The following LPO variants were observed in gnomAD, a reference collection of about 807,000 sequenced individuals.
The protein encoded by LPO is lactoperoxidase.
LPO carries 70 observed loss-of-function variants against 68.4 expected under a neutral mutation model. That is an observed-to-expected ratio of 1.02 (90% CI 0.84 to 1.25). LPO has a LOEUF of 1.25. Among genes scored for constraint, LPO ranks in the 50% most tolerant of loss-of-function variants. The pLI, the probability that LPO is intolerant of heterozygous loss-of-function variation, is 0.00. For synonymous variants in LPO, 360 were observed against 357.6 expected (o/e 1.01, Z -0.08); for missense variants, 873 against 908.4 (o/e 0.96, Z 0.50).
chr17:58,254,972 G>T lies in LPO; in HGVS notation c.1266+1G>T. On this transcript the variant is annotated splice_donor_variant, in intron 9 of 12. Coordinates refer to ENST00000262290, the MANE Select transcript of LPO (RefSeq NM_006151.3). LOFTEE classifies it high-confidence loss of function. ...GAAAATCCTGGGAGCCTTCGTGCAG[G>T]TAGGGAGTCCCAGGAGCACTGTCAC... 6.2e-7 allele frequency: 1 copy of T among 1,613,576 alleles called. No individual in the cohort carries two copies. The highest frequency in any genetic ancestry group is 8.5e-7 in the Non-Finnish European group (1 of 1,179,686).
chr17:58,264,946 C>T lies in LPO; in HGVS notation c.1491C>T (p.Phe497=), dbSNP rs1334027324. The T allele has an allele frequency of 4.3e-6, 7 of 1,614,122 alleles. No individual in the cohort carries two copies. In the East Asian group the frequency reaches 1.6e-4, roughly 36 times the overall value. The change falls in exon 10 of 13, where the codon TTC becomes TTT. Residue 497 remains phenylalanine (F), a synonymous_variant. Transcript: ENST00000262290. Reference sequence around the variant, plus strand: ...CAGAACTCCCCCTCCACACCCTCTTCTTCAACACTTGGAGGATGGTCAAAG... The same window carrying T: ...CAGAACTCCCCCTCCACACCCTCTTTTTCAACACTTGGAGGATGGTCAAAG... ...PEPELPLHTL[F]FNTWRMVKDG...
chr17:58,242,463 G>C (rs1300121329), intron 1 of LPO, among the ~76,000 whole-genome samples: 1 of 152,182 alleles, frequency 6.6e-6, no homozygotes, highest in Non-Finnish European at 1.5e-5. Context: ...CCTGGGGCTG[G>C]GCCAGAGGAA....
At position 58,247,568 on chromosome 17, in the gene LPO, C is replaced by A. The variant is rs2143896429; in HGVS notation, c.255C>A (p.Ile85=). 2 of 1,614,214 alleles carry A rather than the reference C, an allele frequency of 1.2e-6. No homozygotes were observed. Among genetic ancestry groups the A allele is most frequent in the South Asian group, 2.2e-5 (2 of 91,078 alleles). The change falls in exon 4 of 13, where the codon ATC becomes ATA. Residue 85 remains isoleucine, a synonymous_variant. Coordinates refer to ENST00000262290, the MANE Select transcript of LPO (RefSeq NM_006151.3). ...CCAAAGGCCGGACGCGCACAGCCAT[C>A]CGCAATGGACAGGTGTGGGAGGAGT... ...KHAKGRTRTA[I]RNGQVWEESL...
At chr17:58,250,306 G>T (rs1286335217) in intron 6 of LPO, 109 bp from the exon 7 acceptor site, 1 of 860,408 alleles carries the variant, frequency 1.2e-6, no homozygotes, top group African/African-American at 1.6e-5. Flanking sequence ...TCCTTGTAGG[G>T]ATTAAGTGCA....
chr17:58,268,153 T>A lies in LPO; in HGVS notation c.*159T>A. The A allele has an allele frequency of 1.4e-6, 1 of 715,880 alleles. No individual in the cohort carries two copies. Among genetic ancestry groups the A allele is most frequent in the Non-Finnish European group, 2.3e-6 (1 of 441,176 alleles). The allele number at this position is 715,880 out of a possible 1,614,324, so 44.3% of individuals were successfully genotyped here. Reference sequence around the variant, plus strand: ...TGAACAGCTTGCTCAGGCCCCAGGGTGGCTGCCTCGGCCCTCCCAGCTCTT... The same window carrying A: ...TGAACAGCTTGCTCAGGCCCCAGGGAGGCTGCCTCGGCCCTCCCAGCTCTT... On this transcript the variant is annotated 3_prime_UTR_variant, in exon 13 of 13. Coordinates refer to ENST00000262290, the MANE Select transcript of LPO (RefSeq NM_006151.3).
intron 9 of LPO, among the ~76,000 whole-genome samples, chr17:58,256,210 G>T (rs1034629110): frequency 1.3e-5 from 2 of 151,964 alleles, no homozygotes; most frequent in Admixed American, 6.6e-5. Context: ...AGTATTCCAT[G>T]GTATGAATGA....
chr17:58,268,009 C>A lies in LPO; in HGVS notation c.*15C>A, dbSNP rs777060459. 6.2e-7 allele frequency: 1 copy of A among 1,612,248 alleles called. No individual in the cohort carries two copies. Among genetic ancestry groups the A allele is most frequent in the African/African-American group, 1.3e-5 (1 of 74,862 alleles). The stretch of plus-strand genomic sequence containing the variant: ...TGAAGAATTAGGGGCCCGCGCTGCA[C>A]AGGAAAGTTCCCTTTGGTCCACAGG... On this transcript the variant is annotated 3_prime_UTR_variant, in exon 13 of 13. Transcript: ENST00000262290.
intron 7 of LPO, chr17:58,251,485 G>T (rs1338501897): frequency 9.9e-6 from 2 of 202,558 alleles, no homozygotes; most frequent in Non-Finnish European, 2.0e-5. Context: ...TGAGCAGCAG[G>T]GATTTGTAGG....
intron 10 of LPO, among the ~76,000 whole-genome samples, chr17:58,265,800 G>A (rs1476376615): frequency 6.6e-6 from 1 of 151,610 alleles, no homozygotes; most frequent in Non-Finnish European, 1.5e-5. Flanking sequence ...GTCCAGGCTG[G>A]TCCCAAACTC....
intron 3 of LPO, among the ~76,000 whole-genome samples, chr17:58,245,120 A>G (rs930887101): frequency 6.6e-6 from 1 of 152,232 alleles, no homozygotes; most frequent in African/African-American, 2.4e-5. Context: ...TCCCCAGACC[A>G]GGATTATCTC....
rs765873656 is a variant in LPO at position 58,252,442 on chromosome 17, C to T, written c.1041C>T (p.Asp347=). The change falls in exon 8 of 13, where the codon GAC becomes GAT. Residue 347 remains aspartate (D), a synonymous_variant. Transcript: ENST00000262290. ...ATGGACTACCCTACCTGCCCTATGACAGCAAGAAGCCAAGCCCCTGTGAGT... is the reference window on the plus strand; with the variant it reads ...ATGGACTACCCTACCTGCCCTATGATAGCAAGAAGCCAAGCCCCTGTGAGT... ...SDHGLPYLPY[D]SKKPSPCEFI... is the part of the protein sequence containing the mutation. 1 of 1,614,116 alleles carries T rather than the reference C, an allele frequency of 6.2e-7. No individual in the cohort carries two copies. The highest frequency in any genetic ancestry group is 8.5e-7 in the Non-Finnish European group (1 of 1,180,028).
At chr17:58,241,280 C>T (rs564270326) in intron 1 of LPO, among the ~76,000 whole-genome samples, 1 of 151,734 alleles carries the variant, frequency 6.6e-6, no homozygotes, top group African/African-American at 2.4e-5. Flanking sequence ...CTGGCTAATT[C>T]TTGTATTTCT....
chr17:58,249,118 C>G lies in LPO; in HGVS notation c.384C>G (p.Pro128=), dbSNP rs760157431. The change falls in exon 5 of 13, where the codon CCC becomes CCG. Residue 128 remains proline, a synonymous_variant. Coordinates refer to ENST00000262290, the MANE Select transcript of LPO (RefSeq NM_006151.3). ...SLEVGCGAPA[P]VVRCDPCSPY... ...AGGTGGGCTGTGGTGCTCCTGCTCC[C>G]GTGGTGAGATGCGACCCGTGCAGCC... is the stretch of plus-strand genomic sequence containing the variant. 2 of 1,614,162 alleles carry G rather than the reference C, an allele frequency of 1.2e-6. No homozygotes were observed.
chr17:58,258,431 T>C (rs1970111395), intron 9 of LPO, among the ~76,000 whole-genome samples: 1 of 152,240 alleles, frequency 6.6e-6, no homozygotes, highest in South Asian at 2.1e-4. Flanking sequence ...TTGGCATCTT[T>C]GTTGAAAACG....
chr17:58,247,755 C>A (rs1969878743), intron 4 of LPO, 117 bp downstream of exon 4: 1 of 1,146,804 alleles, frequency 8.7e-7, no homozygotes, highest in African/African-American at 1.5e-5. Flanking sequence ...AGGAACACTC[C>A]TGTCTCTCCC....
chr17:58,250,997 A>G lies in LPO; in HGVS notation c.780+376A>G, dbSNP rs556548661. The G allele has an allele frequency of 1.5e-4, 37 of 242,788 alleles. No individual in the cohort carries two copies. The South Asian group carries it at 1.9e-3, about 12-fold the overall frequency. 15.0% of individuals were successfully genotyped at this position (242,788 alleles called of 1,614,324 possible). The stretch of plus-strand genomic sequence containing the variant: ...CTGCTTATTAGAAATGTAAAATCTC[A>G]GTTGGGCGAGGCGGCTCATGCCTAT... On this transcript the variant is annotated intron_variant, in intron 7 of 12. Transcript: ENST00000262290.
At position 58,243,416 on chromosome 17, in the gene LPO, A is replaced by T. The variant is rs8178292; in HGVS notation, c.76+361A>T. 9.1e-4 allele frequency: 226 copies of T among 247,204 alleles called. 4 individuals carry two copies. In the Admixed American group the frequency reaches 0.01, roughly 11 times the overall value. The allele number at this position is 247,204 out of a possible 1,614,324, so 15.3% of individuals were successfully genotyped here. The stretch of plus-strand genomic sequence containing the variant: ...GTATGACCTCATTTTAATTCATAAC[A>T]TCTACAAAGACCCTACTTCCAAATA... On this transcript the variant is annotated intron_variant, in intron 2 of 12. Coordinates refer to ENST00000262290, the MANE Select transcript of LPO (RefSeq NM_006151.3).
In LPO at chr17:58,252,179, C is replaced by T. The variant is rs764243822; in HGVS notation, c.781-3C>T. 1 of 1,612,968 alleles carries T rather than the reference C, an allele frequency of 6.2e-7. No homozygotes were observed. Among genetic ancestry groups the T allele is most frequent in the Non-Finnish European group, 8.5e-7 (1 of 1,179,188 alleles). On this transcript the variant is annotated splice_polypyrimidine_tract_variant and splice_region_variant and intron_variant, in intron 7 of 12. Transcript: ENST00000262290. ...CAGTCACTTATGCCCACTCTCTCTG[C>T]AGTTCCCACCCAATGACCCCAAGGC...
intron 6 of LPO, 124 bp from the exon 7 acceptor site, chr17:58,250,291 C>G: frequency 2.5e-6 from 2 of 784,666 alleles, no homozygotes; most frequent in South Asian, 1.6e-5. Context: ...ACCCACCTCA[C>G]AAACTCCTTG....
Sources: allele counts gnomAD v4.1 joint callset (sites outside exome capture counted in the v4.1 genomes callset), GRCh38; gene constraint gnomAD v4.1.1; transcripts MANE v1.5; gene names NCBI Gene and HGNC (gene_info 2026-07-23, HGNC 2026-07-21).